EXOC6B: variants seen among roughly 807,000 people sequenced by gnomAD.
EXOC6B encodes the protein SEC15 homolog B.
EXOC6B carries 54 observed loss-of-function variants against 113.5 expected under a neutral mutation model. The observed-to-expected ratio is 0.48, with a 90% confidence interval of 0.38 to 0.60. The LOEUF is 0.60. EXOC6B is among the 20% of genes least tolerant of loss of function. The probability of loss-of-function intolerance (pLI) is 0.00; values close to 1 mark genes in which losing one functional copy is unlikely to be tolerated. For missense variants in EXOC6B, 797 were observed against 977.5 expected (o/e 0.82, Z 2.46); for synonymous variants, 357 against 339.0 (o/e 1.05, Z -0.58).
intron 19 of EXOC6B, among the ~76,000 whole-genome samples, chr2:72,339,699 C>T (rs1436281072): frequency 6.6e-6 from 1 of 152,056 alleles, no homozygotes; most frequent in Admixed American, 6.5e-5. Context: ...ATACCATTTG[C>T]AAATGTGCAA....
chr2:72,558,991 T>C (rs749694682), intron 8 of EXOC6B, among the ~76,000 whole-genome samples: 2 of 152,278 alleles, frequency 1.3e-5, no homozygotes, highest in African/African-American at 2.4e-5. Context: ...GTGAGTGTAC[T>C]ACCAAAATGG....
intron 8 of EXOC6B, among the ~76,000 whole-genome samples, chr2:72,523,496 C>A (rs1050878442): frequency 6.6e-6 from 1 of 151,770 alleles, no homozygotes; most frequent in African/African-American, 2.4e-5. Flanking sequence ...TTAAGATTTA[C>A]GGCTGGGCGC....
intron 6 of EXOC6B, among the ~76,000 whole-genome samples, chr2:72,627,994 G>A (rs1250401719): frequency 6.6e-6 from 1 of 152,102 alleles, no homozygotes; most frequent in Non-Finnish European, 1.5e-5. Flanking sequence ...TTGAAGTGGA[G>A]AAATCACTTT....
intron 8 of EXOC6B, among the ~76,000 whole-genome samples, chr2:72,533,614 G>A (rs115237479): frequency 7.5e-4 from 114 of 152,160 alleles, no homozygotes; most frequent in Middle Eastern, 6.8e-3. Flanking sequence ...CTTTCTCCAG[G>A]TCCTTGTATC....
At position 72,716,848 on chromosome 2, in the gene EXOC6B, C is replaced by T. The variant is rs548352195; in HGVS notation, c.669+1255G>A. Among the ~76,000 whole-genome samples, 3 of 152,092 alleles carry T rather than the reference C, an allele frequency of 2.0e-5. No individual in the cohort carries two copies. In the East Asian group the frequency reaches 5.8e-4, roughly 29 times the overall value. ...AGTAAATTAATTTCTCAAGCAGAGG[C>T]CTAGAAAAAGCAATTTTTAAAAAGG... On this transcript the variant is annotated intron_variant, in intron 6 of 21. Transcript: ENST00000272427.
intron 6 of EXOC6B, among the ~76,000 whole-genome samples, chr2:72,671,228 C>A (rs890874712): frequency 6.6e-6 from 1 of 152,002 alleles, no homozygotes; most frequent in Non-Finnish European, 1.5e-5. Flanking sequence ...GAAGAGACAA[C>A]CAAAGAATGG....
intron 17 of EXOC6B, among the ~76,000 whole-genome samples, chr2:72,472,563 T>C (rs1573202953): frequency 6.6e-6 from 1 of 152,254 alleles, no homozygotes; most frequent in East Asian, 1.9e-4. Flanking sequence ...TCTGTTTTCA[T>C]TTATAATTTT....
intron 16 of EXOC6B, among the ~76,000 whole-genome samples, chr2:72,482,068 G>A (rs1241513310): frequency 6.6e-6 from 1 of 152,096 alleles, no homozygotes; most frequent in Non-Finnish European, 1.5e-5. Flanking sequence ...ACTACGTCCT[G>A]TACCTTCCAA....
intron 1 of EXOC6B, among the ~76,000 whole-genome samples, chr2:72,788,459 A>G (rs1243516223): frequency 6.6e-6 from 1 of 152,102 alleles, no homozygotes; most frequent in African/African-American, 2.4e-5. Context: ...TGAGGTATCG[A>G]ATCTGGGGTT....
At chr2:72,455,723 A>G (rs1308577878) in intron 18 of EXOC6B, among the ~76,000 whole-genome samples, 1 of 152,176 alleles carries the variant, frequency 6.6e-6, no homozygotes, top group Admixed American at 6.5e-5. Context: ...GGAATAAATG[A>G]GAATATATAT....
At chr2:72,767,831 A>AAAAAAAAC in intron 1 of EXOC6B, among the ~76,000 whole-genome samples, 1 of 142,856 alleles carries the variant, frequency 7.0e-6, no homozygotes, top group Non-Finnish European at 1.5e-5. Context: ...AAAAAAAAAA[A>AAAAAAAAC]AAGACCAAGT....
At chr2:72,665,012 C>T (rs1279537884) in intron 6 of EXOC6B, among the ~76,000 whole-genome samples, 2 of 152,204 alleles carry the variant, frequency 1.3e-5, no homozygotes, top group Non-Finnish European at 2.9e-5. Flanking sequence ...AAGGAGCTCC[C>T]ACTCTGAGAA....
At chr2:72,733,160 T>G (rs752322712) in intron 2 of EXOC6B, 42 bp from the exon 3 acceptor site, 1 of 1,387,558 alleles carries the variant, frequency 7.2e-7, no homozygotes, top group Non-Finnish European at 1.0e-6. Context: ...AAACAAACAT[T>G]TAGACAATAG....
intron 18 of EXOC6B, among the ~76,000 whole-genome samples, chr2:72,454,663 C>T (rs1179547929): frequency 2.0e-5 from 3 of 151,956 alleles, no homozygotes; most frequent in African/African-American, 4.8e-5. Context: ...TATTTGGAAC[C>T]AAACATACTT....
At chr2:72,456,940 G>T (rs990880949) in intron 18 of EXOC6B, among the ~76,000 whole-genome samples, 20 of 151,384 alleles carry the variant, frequency 1.3e-4, no homozygotes, top group African/African-American at 4.6e-4. Context: ...AATGAACCTT[G>T]AAGTATGTAA....
intron 20 of EXOC6B, among the ~76,000 whole-genome samples, chr2:72,208,207 T>C (rs182341282): frequency 3.9e-4 from 59 of 152,156 alleles, no homozygotes; most frequent in African/African-American, 1.3e-3. Context: ...CAGTACCCAA[T>C]AGGTAGCTTT....
intron 19 of EXOC6B, among the ~76,000 whole-genome samples, chr2:72,336,212 T>C (rs986111473): frequency 2.6e-5 from 4 of 152,192 alleles, no homozygotes; most frequent in African/African-American, 9.6e-5. Flanking sequence ...TAAGAAACTA[T>C]ACAGAGTTGG....
At position 72,637,789 on chromosome 2, in the gene EXOC6B, C is replaced by CAAA. The variant is rs60536242; in HGVS notation, c.670-62124_670-62122dup. ...TGGGTGACACAGCAAGACTCTGTCT[C>CAAA]AAAAAAAAAAAAAAACTGAAACCAA... On this transcript the variant is annotated intron_variant, in intron 6 of 21. Transcript: ENST00000272427. 1.2e-4 allele frequency among the ~76,000 whole-genome samples: 12 copies of CAAA among 96,996 alleles called. 1 individual carries two copies. Among genetic ancestry groups the CAAA allele is most frequent in the African/African-American group, 3.6e-4 (10 of 28,128 alleles). 63.6% of individuals were successfully genotyped at this position (96,996 alleles called of 152,430 possible). A position where few individuals can be genotyped will look rare whatever the true frequency, so the allele number is the denominator to read the frequency against.
chr2:72,646,452 G>A (rs1024384137), intron 6 of EXOC6B, among the ~76,000 whole-genome samples: 1 of 152,080 alleles, frequency 6.6e-6, no homozygotes, highest in African/African-American at 2.4e-5. Context: ...CTCATTTTAT[G>A]AGGCCAGCAT....
Sources: allele counts gnomAD v4.1 joint callset (sites outside exome capture counted in the v4.1 genomes callset), GRCh38; gene constraint gnomAD v4.1.1; transcripts MANE v1.5; gene names NCBI Gene and HGNC (gene_info 2026-07-23, HGNC 2026-07-21).